IFT80: variants seen among roughly 807,000 people sequenced by gnomAD.
IFT80 encodes intraflagellar transport protein 80 homolog.
Under a neutral mutation model 107.9 loss-of-function variants are expected in IFT80, and 79 were observed. That is an observed-to-expected ratio of 0.73 (90% CI 0.61 to 0.88). IFT80 has a LOEUF of 0.88. Ranked by LOEUF, IFT80 falls within the 40% of genes least tolerant of loss-of-function variation. IFT80 has a pLI of 0.00. For missense variants in IFT80, 797 were observed against 914.2 expected (o/e 0.87, Z 1.65); for synonymous variants, 299 against 300.9 (o/e 0.99, Z 0.07).
intron 8 of IFT80, among the ~76,000 whole-genome samples, chr3:160,321,911 C>T (rs1433370283): frequency 2.0e-5 from 3 of 151,824 alleles, no homozygotes; most frequent in Admixed American, 6.6e-5. Context: ...TCTTTCAGGA[C>T]AGCCAAGAAG....
intron 8 of IFT80, among the ~76,000 whole-genome samples, chr3:160,344,531 G>A (rs765008871): frequency 6.6e-6 from 1 of 152,106 alleles, no homozygotes; most frequent in Non-Finnish European, 1.5e-5. Flanking sequence ...GCTGGTCTGG[G>A]CAAAAATTTC....
At chr3:160,329,463 G>A (rs963785889) in intron 8 of IFT80, among the ~76,000 whole-genome samples, 14 of 151,874 alleles carry the variant, frequency 9.2e-5, no homozygotes, top group African/African-American at 2.9e-4. Context: ...ATGGCACATC[G>A]ACACAGAGAA....
chr3:160,393,452 A>G (rs1193597157), intron 1 of IFT80, among the ~76,000 whole-genome samples: 1 of 152,214 alleles, frequency 6.6e-6, no homozygotes, highest in Non-Finnish European at 1.5e-5. Flanking sequence ...TTCCACTTAT[A>G]TAAGGTACCT....
rs141186176 is a variant in IFT80, at chr3:160,331,298, T to C, written c.778-11359A>G. Among the ~76,000 whole-genome samples, 14 of 152,296 alleles carry C rather than the reference T, an allele frequency of 9.2e-5. No homozygotes were observed. The East Asian group carries it at 2.7e-3, about 29-fold the overall frequency. ...AGAGTGGATATGCTGGACAAAGGGA[T>C]GATTCATGTCCTGGGAAAACAAAGT... On this transcript the variant is annotated intron_variant, in intron 8 of 19. Transcript: ENST00000326448.
intron 8 of IFT80, among the ~76,000 whole-genome samples, chr3:160,345,976 G>T (rs1720263631): frequency 6.6e-6 from 1 of 152,078 alleles, no homozygotes; most frequent in Non-Finnish European, 1.5e-5. Context: ...ATTATACATT[G>T]CATGCCTGCA....
At chr3:160,282,375 A>G (rs762600010) in intron 14 of IFT80, 103 bp downstream of exon 14, 11 of 835,640 alleles carry the variant, frequency 1.3e-5, no homozygotes, top group Non-Finnish European at 2.1e-5. Context: ...AAGTATTACA[A>G]GATCAAAACA....
chr3:160,324,370 A>G (rs1718511964), intron 8 of IFT80, among the ~76,000 whole-genome samples: 2 of 152,214 alleles, frequency 1.3e-5, no homozygotes, highest in Admixed American at 1.3e-4. Flanking sequence ...CATTGATGCA[A>G]AAATCCTCAA....
intron 12 of IFT80, among the ~76,000 whole-genome samples, chr3:160,293,351 T>C (rs76877741): frequency 0.012 from 1,894 of 152,322 alleles, 40 homozygotes; most frequent in African/African-American, 0.042. Flanking sequence ...AGTAGAACTC[T>C]AGTAATGCGC....
intron 5 of IFT80, among the ~76,000 whole-genome samples, chr3:160,371,319 A>G (rs1711515497): frequency 6.6e-6 from 1 of 152,116 alleles, no homozygotes; most frequent in South Asian, 2.1e-4. Context: ...TTTGCCAGGA[A>G]CCCTTCCCAA....
chr3:160,326,657 T>C (rs1023541297), intron 8 of IFT80, among the ~76,000 whole-genome samples: 2 of 151,922 alleles, frequency 1.3e-5, no homozygotes, highest in African/African-American at 2.4e-5. Context: ...ATAAACTAGG[T>C]ATTGAAAGAA....
intron 6 of IFT80, among the ~76,000 whole-genome samples, chr3:160,361,648 T>C (rs912873914): frequency 3.3e-5 from 5 of 152,086 alleles, no homozygotes; most frequent in Non-Finnish European, 7.4e-5. Flanking sequence ...TCAGCAAATG[T>C]AAAAGAACAG....
rs185168107 is a variant in IFT80, at chr3:160,398,073, A to G, written c.-47+1073T>C. On this transcript the variant is annotated intron_variant, in intron 1 of 19. Coordinates refer to ENST00000326448, the MANE Select transcript of IFT80 (RefSeq NM_020800.3). ...ATCCTTATATCTTCTTGGTATGCTT[A>G]CCAGCCAAAAAACTTTTTTTCATTA... is the stretch of plus-strand genomic sequence containing the variant. Among the ~76,000 whole-genome samples the G allele has an allele frequency of 5.3e-5, 8 of 152,346 alleles. No homozygotes were observed. In the East Asian group the frequency reaches 7.7e-4, roughly 15 times the overall value.
intron 8 of IFT80, 87 bp from the exon 9 acceptor site, chr3:160,320,026 G>T: frequency 1.1e-6 from 1 of 874,776 alleles, no homozygotes; most frequent in South Asian, 1.5e-5. Context: ...AACGTAATAA[G>T]ATCATTTTTA....
chr3:160,336,353 A>T (rs1032064430), intron 8 of IFT80, among the ~76,000 whole-genome samples: 9 of 152,198 alleles, frequency 5.9e-5, no homozygotes, highest in Non-Finnish European at 1.0e-4. Context: ...CCACAATTAG[A>T]TCCATTTGTT....
At chr3:160,286,004 A>C in intron 12 of IFT80, 136 bp from the exon 13 acceptor site, 1 of 588,440 alleles carries the variant, frequency 1.7e-6, no homozygotes, top group Non-Finnish European at 3.0e-6. Flanking sequence ...ATCCAATTTT[A>C]ATTTATTAAT....
intron 19 of IFT80, among the ~76,000 whole-genome samples, chr3:160,263,963 G>A (rs577797435): frequency 6.1e-4 from 93 of 152,192 alleles, no homozygotes; most frequent in African/African-American, 2.0e-3. Flanking sequence ...GAGCCACTGC[G>A]TCCAGCCTAT....
At chr3:160,265,518 G>A (rs912314208) in intron 19 of IFT80, among the ~76,000 whole-genome samples, 3 of 151,976 alleles carry the variant, frequency 2.0e-5, no homozygotes, top group Non-Finnish European at 1.5e-5. Context: ...TGTATTCTTT[G>A]AGTGGATTTT....
At chr3:160,338,640 A>C (rs1719662977) in intron 8 of IFT80, among the ~76,000 whole-genome samples, 1 of 151,908 alleles carries the variant, frequency 6.6e-6, no homozygotes, top group Non-Finnish European at 1.5e-5. Context: ...TCAAAAAAAA[A>C]AAAAAGGGAC....
chr3:160,279,684 A>C (rs1714540417), intron 15 of IFT80, among the ~76,000 whole-genome samples: 1 of 152,092 alleles, frequency 6.6e-6, no homozygotes, highest in Non-Finnish European at 1.5e-5. Context: ...TCCGAGGCTT[A>C]AGATAAATCA....
Sources: allele counts gnomAD v4.1 joint callset (sites outside exome capture counted in the v4.1 genomes callset), GRCh38; gene constraint gnomAD v4.1.1; transcripts MANE v1.5; gene names NCBI Gene and HGNC (gene_info 2026-07-23, HGNC 2026-07-21).